The following RPS6KA3 variants were observed in gnomAD, a reference collection of about 807,000 sequenced individuals.
RPS6KA3 encodes ribosomal protein S6 kinase alpha-3.
In RPS6KA3, 4 loss-of-function variants were observed where a neutral mutation model predicts 67.2. The ratio of observed to expected loss-of-function variants is 0.06; its 90% CI spans 0.03 to 0.14. The LOEUF (loss-of-function observed/expected upper bound fraction) is 0.14. Ranked by LOEUF, RPS6KA3 falls within the 10% of genes least tolerant of loss-of-function variation. RPS6KA3 has a pLI of 1.00. For missense variants in RPS6KA3, 204 were observed against 559.0 expected, an observed-to-expected ratio of 0.36 and a Z score of 6.40; for synonymous variants, 182 against 183.7, an observed-to-expected ratio of 0.99 and a Z score of 0.07.
At chrX:20,238,093 T>G (rs979181794) in intron 1 of RPS6KA3, among the ~76,000 whole-genome samples, 3 of 111,546 alleles carry the variant, frequency 2.7e-5, no homozygotes, top group Non-Finnish European at 5.7e-5. Flanking sequence ...ACTTATCTTT[T>G]CTAGATAACT....
chrX:20,201,578 CCTT>C (rs2068434419), intron 4 of RPS6KA3, among the ~76,000 whole-genome samples: 1 of 111,683 alleles, frequency 9.0e-6, no homozygotes, highest in Non-Finnish European at 1.9e-5. Flanking sequence ...ATTCCTAACT[CCTT>C]CATTCTTTTT....
At chrX:20,266,976 A>T, upstream of RPS6KA3, 2 of 743,824 alleles carry the variant, frequency 2.7e-6, no homozygotes, top group Non-Finnish European at 3.2e-6. Flanking sequence ...GCCCGCTCCC[A>T]GCAGAACAGC....
Position 20,157,920 on chromosome X carries a change from G to A in RPS6KA3, c.1960-1671C>T, listed in dbSNP as rs769147481. Among the ~76,000 whole-genome samples the A allele has an allele frequency of 3.6e-3, 402 of 111,571 alleles. 1 individual carries two copies. Among genetic ancestry groups the A allele is most frequent in the Non-Finnish European group, 6.2e-3 (332 of 53,140 alleles). ...GGATAAAGTGGGAGAGATGAGAAGGGACCAGATCAGGAAAGTCCCTGTAAG... is the reference window on the plus strand; with the variant it reads ...GGATAAAGTGGGAGAGATGAGAAGGAACCAGATCAGGAAAGTCCCTGTAAG... On this transcript the variant is annotated intron_variant, in intron 20 of 21. Transcript: ENST00000379565.
chrX:20,255,632 C>T (rs1043795306), intron 1 of RPS6KA3, among the ~76,000 whole-genome samples: 8 of 106,974 alleles, frequency 7.5e-5, no homozygotes, highest in African/African-American at 2.7e-4. Flanking sequence ...ACTAAAAATA[C>T]AAAAAATTAG....
chrX:20,208,939 G>A (rs893427410), intron 3 of RPS6KA3, among the ~76,000 whole-genome samples: 1 of 110,870 alleles, frequency 9.0e-6, no homozygotes, highest in Middle Eastern at 4.2e-3. Flanking sequence ...GCTGAGATGC[G>A]CTGTATTGCA....
chrX:20,223,608 AG>A (rs1392982402), intron 2 of RPS6KA3, among the ~76,000 whole-genome samples: 2 of 111,740 alleles, frequency 1.8e-5, no homozygotes, highest in Non-Finnish European at 3.8e-5. Context: ...CATATGCAAA[AG>A]TAGACAGAAT....
At position 20,160,269 on chromosome X, in the gene RPS6KA3, T is replaced by C. The variant is rs1167618806; in HGVS notation, c.1959+1375A>G. On this transcript the variant is annotated intron_variant, in intron 20 of 21. Transcript: ENST00000379565. ...GAGCAACCTGGGATTGGGAATTCTA[T>C]CTTTGTCACATCTTTTATCTCTAAG... Among the ~76,000 whole-genome samples the C allele has an allele frequency of 8.9e-5, 10 of 111,957 alleles. No individual in the cohort carries two copies. In the Admixed American group the frequency reaches 9.5e-4, roughly 11 times the overall value.
intron 1 of RPS6KA3, among the ~76,000 whole-genome samples, chrX:20,236,205 T>A (rs2069407280): frequency 8.9e-6 from 1 of 111,765 alleles, no homozygotes; most frequent in Non-Finnish European, 1.9e-5. Flanking sequence ...ACAATTTAAA[T>A]TGTTTATTTT....
At chrX:20,259,119 C>T (rs182935631) in intron 1 of RPS6KA3, among the ~76,000 whole-genome samples, 1 of 111,341 alleles carries the variant, frequency 9.0e-6, no homozygotes, top group East Asian at 2.8e-4. Flanking sequence ...TGAGCAGAGA[C>T]CAGAAAAAGA....
chrX:20,260,312 C>T (rs911534135), intron 1 of RPS6KA3, among the ~76,000 whole-genome samples: 2 of 111,680 alleles, frequency 1.8e-5, no homozygotes, highest in African/African-American at 6.5e-5. Flanking sequence ...GTAAGATACA[C>T]TATTATTTTA....
chrX:20,170,433 T>C (rs944979852), intron 15 of RPS6KA3, among the ~76,000 whole-genome samples: 1 of 111,037 alleles, frequency 9.0e-6, no homozygotes, highest in Non-Finnish European at 1.9e-5. Context: ...GTTTGAACTA[T>C]GAGGGACCAA....
At chrX:20,222,453 C>A (rs909016295) in intron 2 of RPS6KA3, among the ~76,000 whole-genome samples, 1 of 111,426 alleles carries the variant, frequency 9.0e-6, no homozygotes, top group African/African-American at 3.3e-5. Flanking sequence ...TATCTAATTT[C>A]CTTCCTTTCA....
intron 8 of RPS6KA3, 100 bp from the exon 9 acceptor site, chrX:20,188,070 T>C (rs2068030384): frequency 1.2e-6 from 1 of 816,776 alleles, no homozygotes; most frequent in Non-Finnish European, 1.8e-6. Context: ...TAATACAAGT[T>C]TTTTTTGTTT....
At position 20,156,119 on chromosome X, in the gene RPS6KA3, T is replaced by A; in HGVS notation, c.2090A>T (p.His697Leu). ...TATGGGGCTGCTCACCTTTACTAGA[T>A]GTGGTGCATCCTGTCTGTTTAGTTG... ...QYQLNRQDAP[H>L]LVKGAMAATY... is the part of the protein sequence containing the mutation. Residue 697 changes from histidine to leucine, a missense_variant, in exon 21 of 22, where the codon CAT (histidine) becomes CTT (leucine). Transcript: ENST00000379565. The A allele has an allele frequency of 8.3e-7, 1 of 1,210,823 alleles. No homozygotes were observed. The highest frequency in any genetic ancestry group is 1.1e-6 in the Non-Finnish European group (1 of 895,209).
Position 20,176,553 on chromosome X carries a change from C to T in RPS6KA3, c.935-55G>A. The T allele has an allele frequency of 5.1e-6, 4 of 784,689 alleles. No homozygotes were observed. The Admixed American group carries it at 9.3e-5, about 18-fold the overall frequency. 64.7% of individuals were successfully genotyped at this position (784,689 alleles called of 1,213,427 possible). On this transcript the variant is annotated intron_variant, in intron 11 of 21. Transcript: ENST00000379565. The stretch of plus-strand genomic sequence containing the variant: ...ATTTCAAGGAGAAATATACATATTG[C>T]TCAGCCTTTGTTTTCAATACTTGTC...
chrX:20,180,778 C>T (rs1414342548), intron 10 of RPS6KA3, among the ~76,000 whole-genome samples: 5 of 112,301 alleles, frequency 4.5e-5, no homozygotes, highest in Admixed American at 9.5e-5. Flanking sequence ...TCTAGCCTTA[C>T]CATAGCAAAG....
Position 20,191,332 on chromosome X carries a change from C to T in RPS6KA3, c.593+2155G>A, listed in dbSNP as rs187414041. On this transcript the variant is annotated intron_variant, in intron 7 of 21. Coordinates refer to ENST00000379565, the MANE Select transcript of RPS6KA3 (RefSeq NM_004586.3). ...TGTGAATAGTGCTGCAATAAACATACGTGTGCATGTGTCTTTATAGTAGAA... is the reference window on the plus strand; with the variant it reads ...TGTGAATAGTGCTGCAATAAACATATGTGTGCATGTGTCTTTATAGTAGAA... Among the ~76,000 whole-genome samples the T allele has an allele frequency of 3.8e-3, 419 of 111,619 alleles. 2 individuals carry two copies. The highest frequency in any genetic ancestry group is 0.012 in the African/African-American group (375 of 30,718).
chrX:20,266,445 C>T, intron 1 of RPS6KA3, 119 bp downstream of exon 1: 1 of 599,086 alleles, frequency 1.7e-6, no homozygotes, highest in South Asian at 2.4e-5. Context: ...AACCCTGAGC[C>T]CGGGGGAAAG....
At chrX:20,241,857 T>G (rs1258851918) in intron 1 of RPS6KA3, among the ~76,000 whole-genome samples, 1 of 111,829 alleles carries the variant, frequency 8.9e-6, no homozygotes, top group Non-Finnish European at 1.9e-5. Flanking sequence ...CATTCTAGTT[T>G]TTCGTGTTCA....
Sources: allele counts gnomAD v4.1 joint callset (sites outside exome capture counted in the v4.1 genomes callset), GRCh38; gene constraint gnomAD v4.1.1; transcripts MANE v1.5; gene names NCBI Gene and HGNC (gene_info 2026-07-23, HGNC 2026-07-21).